Variants in RPGRIP1 observed in about 807,000 individuals in gnomAD.
RPGRIP1 encodes X-linked retinitis pigmentosa GTPase regulator-interacting protein 1.
RPGRIP1 carries 128 observed loss-of-function variants against 157.9 expected under a neutral mutation model. That is an observed-to-expected ratio of 0.81 (90% confidence interval 0.70 to 0.94). The LOEUF (loss-of-function observed/expected upper bound fraction) is 0.94, where lower values mean the gene tolerates loss of function less well. RPGRIP1 is among the 40% of genes least tolerant of loss of function. The pLI is 0.00. For missense variants in RPGRIP1, 1,486 were observed against 1,545.8 expected, an observed-to-expected ratio of 0.96 and a Z score of 0.65; for synonymous variants, 554 against 571.6, an observed-to-expected ratio of 0.97 and a Z score of 0.44.
At chr14:21,299,291 C>T (rs941443657) in intron 3 of RPGRIP1, among the ~76,000 whole-genome samples, 1 of 151,806 alleles carries the variant, frequency 6.6e-6, no homozygotes, top group African/African-American at 2.4e-5. Flanking sequence ...CGTGAGCCAC[C>T]GCAAAGGGCC....
At chr14:21,350,392 A>C (rs1320370958) in intron 24 of RPGRIP1, among the ~76,000 whole-genome samples, 1 of 1,420 alleles carries the variant, frequency 7.0e-4, no homozygotes, top group Non-Finnish European at 2.5e-3. Context: ...AAAAAAAAAA[A>C]AAAAGAAAAC....
At chr14:21,347,852 A>G (rs868796016) in intron 23 of RPGRIP1, among the ~76,000 whole-genome samples, 1 of 152,084 alleles carries the variant, frequency 6.6e-6, no homozygotes, top group Non-Finnish European at 1.5e-5. Context: ...CAGCCTTCCA[A>G]GTAGCTGGGA....
chr14:21,317,482 G>A, intron 10 of RPGRIP1: 1 of 1,214,236 alleles, frequency 8.2e-7, no homozygotes, highest in Non-Finnish European at 1.1e-6. Context: ...AGATATCTGA[G>A]ACCTAAACAG....
At chr14:21,320,253 A>G (rs1882255207) in intron 12 of RPGRIP1, 76 bp downstream of exon 12, 3 of 1,286,232 alleles carry the variant, frequency 2.3e-6, no homozygotes, top group African/African-American at 1.5e-5. Flanking sequence ...AGATGATGAG[A>G]TTAGAAAACT....
intron 6 of RPGRIP1, 77 bp from the exon 7 acceptor site, chr14:21,307,654 C>G: frequency 1.1e-6 from 1 of 909,148 alleles, no homozygotes; most frequent in South Asian, 1.5e-5. Context: ...GGTATTCTTA[C>G]TAGGGCATAG....
At chr14:21,292,168 A>G (rs1293837588) in intron 2 of RPGRIP1, among the ~76,000 whole-genome samples, 1 of 152,208 alleles carries the variant, frequency 6.6e-6, no homozygotes, top group African/African-American at 2.4e-5. Flanking sequence ...TTGATATCAC[A>G]GGCATGAGCC....
intron 21 of RPGRIP1, among the ~76,000 whole-genome samples, chr14:21,341,992 G>T (rs1310519436): frequency 2.6e-5 from 4 of 151,716 alleles, no homozygotes; most frequent in African/African-American, 9.7e-5. Flanking sequence ...AGAGCTTGCT[G>T]TGAGCCGAGA....
At chr14:21,345,219 T>G in intron 23 of RPGRIP1, 22 bp downstream of exon 23, 1 of 1,557,552 alleles carries the variant, frequency 6.4e-7, no homozygotes. Flanking sequence ...CTTTCCACTT[T>G]GAAACAAAGG....
chr14:21,315,337 C>T (rs1452273144), intron 10 of RPGRIP1, among the ~76,000 whole-genome samples: 1 of 151,626 alleles, frequency 6.6e-6, no homozygotes, highest in African/African-American at 2.4e-5. Flanking sequence ...GAAACCCCGT[C>T]TCTACTAAAA....
At chr14:21,316,762 A>G (rs554641120) in intron 10 of RPGRIP1, among the ~76,000 whole-genome samples, 17 of 152,354 alleles carry the variant, frequency 1.1e-4, no homozygotes, top group Middle Eastern at 3.4e-3. Context: ...TAAATAAGAA[A>G]TAAGACATAA....
intron 12 of RPGRIP1, among the ~76,000 whole-genome samples, 172 bp downstream of exon 12, chr14:21,320,349 G>GCGC (rs1010096806): frequency 1.3e-5 from 2 of 152,038 alleles, no homozygotes; most frequent in African/African-American, 4.8e-5. Flanking sequence ...GAGTGCAGTG[G>GCGC]CGCGATCTCG....
chr14:21,333,909 A>T (rs1284264537), intron 20 of RPGRIP1, among the ~76,000 whole-genome samples: 1 of 148,908 alleles, frequency 6.7e-6, no homozygotes, highest in Non-Finnish European at 1.5e-5. Flanking sequence ...GATAGGAGAG[A>T]CCATTTGAGG....
At position 21,348,279 on chromosome 14, in the gene RPGRIP1, A is replaced by C. The variant is rs987359104; in HGVS notation, c.3725A>C (p.Asp1242Ala). The change falls in exon 24 of 25, where the codon GAT (aspartate) becomes GCT (alanine). Residue 1242 changes from aspartate (D) to alanine (A), a missense_variant. Asp to Ala is a moderately radical substitution (Grantham distance 126). Transcript: ENST00000400017. Reference protein sequence around the residue: ...QLWQILESGRDILEQELDIVS... With the variant: ...QLWQILESGRAILEQELDIVS... ...TGGCAGATCCTGGAGTCAGGAAGAG[A>C]TATTCTAGAGCAAGAGCTAGACAGT... 1 of 1,584,880 alleles carries C rather than the reference A, an allele frequency of 6.3e-7. No homozygotes were observed. The highest frequency in any genetic ancestry group is 1.3e-5 in the African/African-American group (1 of 74,266).
intron 6 of RPGRIP1, among the ~76,000 whole-genome samples, chr14:21,304,496 C>T (rs1478619296): frequency 6.6e-6 from 1 of 152,050 alleles, no homozygotes; most frequent in African/African-American, 2.4e-5. Flanking sequence ...TGCTGCCTCA[C>T]TATATAGAAG....
chr14:21,326,407 G>C (rs1284982172), intron 17 of RPGRIP1, among the ~76,000 whole-genome samples: 1 of 152,288 alleles, frequency 6.6e-6, no homozygotes, highest in African/African-American at 2.4e-5. Context: ...TCCTAAGTGG[G>C]TAGAGCCAGC....
At chr14:21,347,100 C>G (rs897621337) in intron 23 of RPGRIP1, among the ~76,000 whole-genome samples, 1 of 152,198 alleles carries the variant, frequency 6.6e-6, no homozygotes, top group Non-Finnish European at 1.5e-5. Context: ...CTCTCTCTTC[C>G]TTTATTCCCT....
intron 21 of RPGRIP1, 104 bp downstream of exon 21, chr14:21,334,809 G>A (rs912745719): frequency 1.8e-5 from 12 of 669,144 alleles, no homozygotes; most frequent in Admixed American, 8.0e-5. Context: ...TTGGGAGGCC[G>A]AGGCAGGCAG....
intron 22 of RPGRIP1, among the ~76,000 whole-genome samples, chr14:21,344,588 G>A (rs908016847): frequency 3.3e-5 from 5 of 152,264 alleles, no homozygotes; most frequent in Middle Eastern, 3.4e-3. Context: ...TGAGAAAGTC[G>A]TGCATGAAAT....
intron 21 of RPGRIP1, among the ~76,000 whole-genome samples, chr14:21,340,793 C>T (rs1041335767): frequency 3.9e-5 from 6 of 152,264 alleles, no homozygotes; most frequent in Middle Eastern, 3.4e-3. Flanking sequence ...GAACAAGTTT[C>T]AAGAAACCAG....
Sources: allele counts gnomAD v4.1 joint callset (sites outside exome capture counted in the v4.1 genomes callset), GRCh38; gene constraint gnomAD v4.1.1; transcripts MANE v1.5; gene names NCBI Gene and HGNC (gene_info 2026-07-23, HGNC 2026-07-21).